Variants in HLX observed in about 807,000 individuals in gnomAD.
HLX encodes H2.0 like homeobox.
A neutral mutation model predicts 27.7 loss-of-function variants in HLX; 6 were observed. That is an observed-to-expected ratio of 0.22 (90% CI 0.12 to 0.43). The LOEUF (loss-of-function observed/expected upper bound fraction) is 0.43. Ranked by LOEUF, HLX falls within the 20% of genes least tolerant of loss-of-function variation. HLX has a pLI of 1.00. For synonymous variants in HLX, 328 were observed against 293.8 expected, an observed-to-expected ratio of 1.12 and a Z score of -1.19; for missense variants, 666 against 655.2, an observed-to-expected ratio of 1.02 and a Z score of -0.18.
rs747399427 is a variant in HLX at position 220,879,831 on chromosome 1, G to T, written c.-27G>T. ...CACCCACCCAGTCCGGCTGGACTGC[G>T]GCAGCCGCGCGGCTCACCCCGGCAG... is the stretch of plus-strand genomic sequence containing the variant. On this transcript the variant is annotated 5_prime_UTR_variant, in exon 1 of 4. Transcript: ENST00000366903. 9 of 1,546,592 alleles carry T rather than the reference G, an allele frequency of 5.8e-6. No homozygotes were observed. In the Admixed American group the frequency reaches 7.5e-5, roughly 13 times the overall value.
intron 2 of HLX, chr1:220,881,606 A>C: frequency 3.5e-6 from 2 of 571,530 alleles, no homozygotes; most frequent in Non-Finnish European, 3.1e-6. Flanking sequence ...GTGTGCGTGG[A>C]CGGTGGGGTG....
At position 220,884,055 on chromosome 1, in the gene HLX, T is replaced by C. The variant is rs1674514646; in HGVS notation, c.958-140T>C. The C allele has an allele frequency of 2.4e-6, 2 of 846,890 alleles. No individual in the cohort carries two copies. Among genetic ancestry groups the C allele is most frequent in the Non-Finnish European group, 1.9e-6 (1 of 517,290 alleles). 52.5% of individuals were successfully genotyped at this position (846,890 alleles called of 1,614,324 possible). ...CTTGGCTCCTGCGCCTACCACAGTG[T>C]CTGGTCCTTGGTAGAGTCGCCAAGT... On this transcript the variant is annotated intron_variant, in intron 3 of 3. Coordinates refer to ENST00000366903, the MANE Select transcript of HLX (RefSeq NM_021958.4). The surrounding 1 kb of genome is among the most constrained non-coding windows in gnomAD (Gnocchi z 4.9).
intron 3 of HLX, chr1:220,883,860 T>G: frequency 1.9e-5 from 6 of 316,814 alleles, no homozygotes; most frequent in Non-Finnish European, 3.5e-5. Context: ...AAAAATTACA[T>G]GGATTTAGAG....
At chr1:220,881,432 CAGGA>C in intron 2 of HLX, 59 bp downstream of exon 2, 2 of 1,396,852 alleles carry the variant, frequency 1.4e-6, no homozygotes, top group Admixed American at 3.4e-5. Context: ...TCAGAAATCT[CAGGA>C]CTGACGCCTC....
chr1:220,881,491 T>C, intron 2 of HLX, 118 bp downstream of exon 2: 1 of 887,354 alleles, frequency 1.1e-6, no homozygotes, highest in South Asian at 1.4e-5. Context: ...GGCGGGAGGC[T>C]ACGGAGTCAG....
At chr1:220,882,472 T>G in intron 3 of HLX, 124 bp downstream of exon 3, 1 of 831,138 alleles carries the variant, frequency 1.2e-6, no homozygotes, top group Non-Finnish European at 1.9e-6. Context: ...GATCTTGACT[T>G]TCAAGAGGCT....
intron 1 of HLX, chr1:220,880,863 T>C (rs1490213173): frequency 4.8e-6 from 2 of 419,046 alleles, no homozygotes; most frequent in East Asian, 8.7e-5. Context: ...CAAAACCGCC[T>C]AGATGAGCGG....
rs377555649 is a variant in HLX at position 220,882,378 on chromosome 1, G to A, written c.957+30G>A. ...GGCAGTTCTGGCTCCAGCGCACAGCGCCCTCGGGCGGGCAGCAGCGCACGG... is the reference window on the plus strand; with the variant it reads ...GGCAGTTCTGGCTCCAGCGCACAGCACCCTCGGGCGGGCAGCAGCGCACGG... On this transcript the variant is annotated intron_variant, in intron 3 of 3. Transcript: ENST00000366903. 4.7e-5 allele frequency: 75 copies of A among 1,608,702 alleles called. No individual in the cohort carries two copies. In the African/African-American group the frequency reaches 8.0e-4, roughly 17 times the overall value.
chr1:220,884,362 G>C lies in HLX; in HGVS notation c.1125G>C (p.Glu375Asp), dbSNP rs1343732780. The change falls in exon 4 of 4, where the codon GAG (glutamate) becomes GAC (aspartate). Residue 375 changes from glutamate to aspartate, a missense_variant. Coordinates refer to ENST00000366903, the MANE Select transcript of HLX (RefSeq NM_021958.4). The surrounding 1 kb of genome is among the most constrained non-coding windows in gnomAD (Gnocchi z 4.9). The part of the protein sequence containing the change: ...RSPSRSEGEA[E>D]SESSDSESLD... ...CCAGCCGTTCTGAAGGCGAGGCTGAGAGCGAGAGCAGCGACTCCGAGTCCC... is the reference window on the plus strand; with the variant it reads ...CCAGCCGTTCTGAAGGCGAGGCTGACAGCGAGAGCAGCGACTCCGAGTCCC... 6.2e-7 allele frequency: 1 copy of C among 1,614,122 alleles called. No individual in the cohort carries two copies. The highest frequency in any genetic ancestry group is 1.1e-5 in the South Asian group (1 of 91,090).
chr1:220,879,963 C>A lies in HLX; in HGVS notation c.106C>A (p.Pro36Thr). 1 of 1,598,722 alleles carries A rather than the reference C, an allele frequency of 6.3e-7. No homozygotes were observed. Among genetic ancestry groups the A allele is most frequent in the Non-Finnish European group, 8.5e-7 (1 of 1,178,934 alleles). The change falls in exon 1 of 4, where the codon CCC (proline) becomes ACC (threonine). Residue 36 changes from proline (P) to threonine (T), a missense_variant. By Grantham distance (38) the Pro-to-Thr change is conservative. Coordinates refer to ENST00000366903, the MANE Select transcript of HLX (RefSeq NM_021958.4). Reference protein sequence around the residue: ...GPGGCSFPLDPAAVKKPSFCI... With the variant: ...GPGGCSFPLDTAAVKKPSFCI... The stretch of plus-strand genomic sequence containing the variant: ...AGGCGGCTGCTCCTTCCCCTTGGAC[C>A]CCGCCGCCGTCAAAAAGCCCTCCTT...
Position 220,884,955 on chromosome 1 carries a change from A to T in HLX, c.*251A>T. The stretch of plus-strand genomic sequence containing the variant: ...CCGGAAGCAGGCTGGTTCGACTGTG[A>T]GGTGTTTGACTAAACTGTTTCTCTG... On this transcript the variant is annotated 3_prime_UTR_variant, in exon 4 of 4. Coordinates refer to ENST00000366903, the MANE Select transcript of HLX (RefSeq NM_021958.4). The surrounding 1 kb of genome is among the most constrained non-coding windows in gnomAD (Gnocchi z 4.9). 1.7e-6 allele frequency: 1 copy of T among 601,252 alleles called. No homozygotes were observed. Among genetic ancestry groups the T allele is most frequent in the South Asian group, 2.3e-5 (1 of 43,736 alleles). The allele number at this position is 601,252 out of a possible 1,614,324, so 37.2% of individuals were successfully genotyped here.
chr1:220,884,154 T>C lies in HLX; in HGVS notation c.958-41T>C. The C allele has an allele frequency of 6.2e-7, 1 of 1,608,562 alleles. No individual in the cohort carries two copies. The highest frequency in any genetic ancestry group is 8.5e-7 in the Non-Finnish European group (1 of 1,175,656). ...CGGATAGGAGCAAACCTGGGTCTCA[T>C]CTCGGTGTCTCTTCTTGTCTCCCGG... On this transcript the variant is annotated intron_variant, in intron 3 of 3. Transcript: ENST00000366903. This position sits in a 1 kb window ranked among gnomAD's most constrained non-coding sequence, Gnocchi z 4.9.
chr1:220,882,002 G>A, intron 2 of HLX, 162 bp from the exon 3 acceptor site: 1 of 723,862 alleles, frequency 1.4e-6, no homozygotes, highest in South Asian at 1.5e-5. Context: ...CCTTAGAGGG[G>A]CCATTCGGTG....
At position 220,879,450 on chromosome 1, in the gene HLX, TTC is replaced by T. The variant is rs201919277; in HGVS notation, c.-407_-406del. The T allele has an allele frequency of 3.9e-4, 45 of 114,574 alleles. 1 individual carries two copies. The highest frequency in any genetic ancestry group is 3.4e-3 in the Middle Eastern group (1 of 294). The allele number at this position is 114,574 out of a possible 1,614,324, so 7.1% of individuals were successfully genotyped here. ...GAGTTTTTTTTTTTTTCTATTACTTTTCCCCCCCCCTAACTAACGGACTATTA... is the reference window on the plus strand; with the variant it reads ...GAGTTTTTTTTTTTTTCTATTACTTTCCCCCCCCTAACTAACGGACTATTA... On this transcript the variant is annotated 5_prime_UTR_variant, in exon 1 of 4. Transcript: ENST00000366903.
At chr1:220,883,960 A>G (rs1027481284) in intron 3 of HLX, 38 of 580,656 alleles carry the variant, frequency 6.5e-5, no homozygotes, top group Non-Finnish European at 8.6e-5. Flanking sequence ...TGAGGGTTGC[A>G]TTTTGAAAAC....
chr1:220,880,239 C>T lies in HLX; in HGVS notation c.382C>T (p.Gln128Ter). The T allele has an allele frequency of 6.2e-7, 1 of 1,612,200 alleles. No homozygotes were observed. The highest frequency in any genetic ancestry group is 8.5e-7 in the Non-Finnish European group (1 of 1,178,606). The change falls in exon 1 of 4, where the codon CAG becomes TAG. Residue 128 changes from glutamine to a stop codon, truncating the protein, a stop_gained. Transcript: ENST00000366903. LOFTEE classifies it high-confidence loss of function. ...CCACCACCATCACCCGCAACAACAA[C>T]AGCAGCAGCAACAGCCGCAGCAGCA... ...AYHHHHPQQQ[Q>*]QQQQPQQQQP... is the part of the protein sequence containing the mutation.
At position 220,883,869 on chromosome 1, in the gene HLX, A is replaced by G. The variant is rs532873983; in HGVS notation, c.958-326A>G. 4.4e-4 allele frequency: 171 copies of G among 390,530 alleles called. 1 individual carries two copies. The highest frequency in any genetic ancestry group is 7.3e-4 in the Middle Eastern group (1 of 1,376). 24.2% of individuals were successfully genotyped at this position (390,530 alleles called of 1,614,324 possible). On this transcript the variant is annotated intron_variant, in intron 3 of 3. Coordinates refer to ENST00000366903, the MANE Select transcript of HLX (RefSeq NM_021958.4). ...GCATAAAAAAATTACATGGATTTAGAGTAGAGAGAGAGTATGTTGGGGGTC... is the reference window on the plus strand; with the variant it reads ...GCATAAAAAAATTACATGGATTTAGGGTAGAGAGAGAGTATGTTGGGGGTC...
intron 3 of HLX, 53 bp downstream of exon 3, chr1:220,882,401 C>T (rs915342914): frequency 1.5e-5 from 24 of 1,553,830 alleles, no homozygotes; most frequent in African/African-American, 4.1e-5. Context: ...CAGCAGCGCA[C>T]GGCCTAGTCT....
chr1:220,883,345 C>T (rs999555393), intron 3 of HLX: 4 of 152,602 alleles, frequency 2.6e-5, no homozygotes, highest in African/African-American at 9.7e-5. Context: ...GGAGCCCAGC[C>T]GTTTTCCACC....
Sources: gnomAD v4.1 joint callset for allele counts on GRCh38, gnomAD v4.1.1 for gene constraint, Gnocchi (gnomAD v3.1) non-coding constraint, MANE v1.5 for transcripts, NCBI Gene and HGNC (gene_info 2026-07-23, HGNC 2026-07-21) for gene names.